Variants in IPO11 observed in about 807,000 individuals in gnomAD.
IPO11 encodes importin-11.
In IPO11, 66 loss-of-function variants were observed where a neutral mutation model predicts 143.2. That is an observed-to-expected ratio of 0.46 (90% CI 0.38 to 0.57). The LOEUF is 0.57. IPO11 is among the 20% of genes least tolerant of loss of function. IPO11 has a pLI of 0.00. For synonymous variants in IPO11, 385 were observed against 377.8 expected, an observed-to-expected ratio of 1.02 and a Z score of -0.22; for missense variants, 1,026 against 1,141.0, an observed-to-expected ratio of 0.90 and a Z score of 1.45.
intron 1 of IPO11, among the ~76,000 whole-genome samples, chr5:62,434,845 T>C (rs1237567782): frequency 1.3e-5 from 2 of 151,262 alleles, no homozygotes; most frequent in Non-Finnish European, 2.9e-5. Flanking sequence ...GCCAATATGG[T>C]GAAACCCAGT....
chr5:62,579,652 A>G, intron 27 of IPO11: 2 of 1,546,500 alleles, frequency 1.3e-6, no homozygotes, highest in Non-Finnish European at 1.7e-6. Context: ...TGGGAATAAT[A>G]TATCTTATAT....
intron 22 of IPO11, among the ~76,000 whole-genome samples, chr5:62,531,140 T>G (rs114718255): frequency 1.3e-5 from 2 of 152,304 alleles, no homozygotes; most frequent in African/African-American, 4.8e-5. Context: ...CCATTTTTAT[T>G]TAATCCCTAA....
chr5:62,458,447 C>T (rs966338262), intron 5 of IPO11, among the ~76,000 whole-genome samples: 1 of 152,116 alleles, frequency 6.6e-6, no homozygotes, highest in Non-Finnish European at 1.5e-5. Flanking sequence ...ATTACAGGTG[C>T]ATGCCGCTAT....
chr5:62,434,263 A>G (rs1360507914), intron 1 of IPO11, among the ~76,000 whole-genome samples: 1 of 151,620 alleles, frequency 6.6e-6, no homozygotes, highest in Non-Finnish European at 1.5e-5. Context: ...TTCACTGAAT[A>G]CCCAGTCTAA....
chr5:62,603,028 C>T (rs1330925560), intron 29 of IPO11, among the ~76,000 whole-genome samples: 1 of 152,134 alleles, frequency 6.6e-6, no homozygotes, highest in Non-Finnish European at 1.5e-5. Flanking sequence ...AATAAGTCCT[C>T]ATTTAACATC....
At chr5:62,586,762 A>ATAT (rs1273896271) in intron 27 of IPO11, among the ~76,000 whole-genome samples, 49 of 86,428 alleles carry the variant, frequency 5.7e-4, no homozygotes, top group South Asian at 1.4e-3. Context: ...CAAAAAAAAA[A>ATAT]AAAAAAATAT....
intron 1 of IPO11, among the ~76,000 whole-genome samples, chr5:62,432,761 A>G (rs757611687): frequency 1.3e-5 from 2 of 152,184 alleles, no homozygotes; most frequent in African/African-American, 4.8e-5. Flanking sequence ...ACTGGAAGTT[A>G]GGCCCAGTCT....
intron 1 of IPO11, among the ~76,000 whole-genome samples, chr5:62,431,361 G>C (rs540979450): frequency 8.7e-6 from 1 of 114,662 alleles, no homozygotes; most frequent in African/African-American, 3.4e-5. Flanking sequence ...ATCTAATTGT[G>C]CGCTTGCTTA....
chr5:62,490,099 T>C lies in IPO11; in HGVS notation c.1358-16T>C. On this transcript the variant is annotated splice_polypyrimidine_tract_variant and intron_variant, in intron 14 of 29. Coordinates refer to ENST00000325324, the MANE Select transcript of IPO11 (RefSeq NM_016338.5). ...ATCTGAAACCTTTAATTTTTTTTCT[T>C]AAATTTTCTTCTCAGTGTATAATGC... 6.6e-7 allele frequency: 1 copy of C among 1,511,468 alleles called. No individual in the cohort carries two copies. The highest frequency in any genetic ancestry group is 2.4e-5 in the East Asian group (1 of 42,176). 93.6% of individuals were successfully genotyped at this position (1,511,468 alleles called of 1,614,324 possible).
intron 27 of IPO11, among the ~76,000 whole-genome samples, chr5:62,588,173 A>G (rs1440323061): frequency 6.6e-6 from 1 of 150,966 alleles, no homozygotes; most frequent in Non-Finnish European, 1.5e-5. Flanking sequence ...AAACTCTAAT[A>G]TCCTGTCTTA....
intron 29 of IPO11, among the ~76,000 whole-genome samples, chr5:62,624,712 C>T (rs147807657): frequency 7.2e-5 from 11 of 152,032 alleles, no homozygotes; most frequent in Admixed American, 3.9e-4. Flanking sequence ...AGGCCGGGCA[C>T]GGTGGCTCAG....
chr5:62,607,727 G>C (rs1480477670), intron 29 of IPO11, among the ~76,000 whole-genome samples: 1 of 151,798 alleles, frequency 6.6e-6, no homozygotes, highest in Non-Finnish European at 1.5e-5. Flanking sequence ...CCCAGGTTAT[G>C]AGTTGAGAGA....
At chr5:62,602,183 G>A (rs907097444) in intron 29 of IPO11, among the ~76,000 whole-genome samples, 1 of 152,068 alleles carries the variant, frequency 6.6e-6, no homozygotes, top group East Asian at 1.9e-4. Flanking sequence ...AAATTTCCTT[G>A]CATTCCCTAT....
chr5:62,568,149 A>G (rs1744018755), intron 27 of IPO11, among the ~76,000 whole-genome samples: 1 of 150,994 alleles, frequency 6.6e-6, no homozygotes, highest in Admixed American at 6.6e-5. Flanking sequence ...TATTTTTTGT[A>G]GAGATGGGGT....
intron 16 of IPO11, among the ~76,000 whole-genome samples, chr5:62,495,612 C>G (rs1324078290): frequency 6.6e-6 from 1 of 151,962 alleles, no homozygotes; most frequent in Non-Finnish European, 1.5e-5. Flanking sequence ...GTATCTGGGA[C>G]TATATGCACC....
At chr5:62,533,693 A>G (rs906390467) in intron 22 of IPO11, among the ~76,000 whole-genome samples, 35 of 152,186 alleles carry the variant, frequency 2.3e-4, no homozygotes, top group African/African-American at 7.7e-4. Flanking sequence ...AGCAGAAATT[A>G]AGCCACTGGG....
At chr5:62,415,594 G>A (rs1022979262) in intron 1 of IPO11, among the ~76,000 whole-genome samples, 1 of 150,614 alleles carries the variant, frequency 6.6e-6, no homozygotes, top group African/African-American at 2.4e-5. Context: ...TCAGCCTCCT[G>A]AGTAGCTGGG....
At chr5:62,553,713 G>A (rs1743473799) in intron 26 of IPO11, among the ~76,000 whole-genome samples, 1 of 151,640 alleles carries the variant, frequency 6.6e-6, no homozygotes, top group Admixed American at 6.6e-5. Flanking sequence ...TCTCATTGTG[G>A]TTGTGATTTG....
chr5:62,580,712 A>T (rs1744518208), intron 27 of IPO11: 1 of 1,551,468 alleles, frequency 6.4e-7, no homozygotes, highest in Non-Finnish European at 8.7e-7. Context: ...CATATTCATC[A>T]CAAGACTACT....
Sources: gnomAD v4.1 joint callset for allele counts (sites outside exome capture counted in the v4.1 genomes callset) on GRCh38, gnomAD v4.1.1 for gene constraint, MANE v1.5 for transcripts, NCBI Gene and HGNC (gene_info 2026-07-23, HGNC 2026-07-21) for gene names.